Variants in SLC9A9 observed in about 807,000 individuals in gnomAD.
SLC9A9 encodes solute carrier family 9 member A9.
A neutral mutation model predicts 77.8 loss-of-function variants in SLC9A9; 62 were observed. That is an observed-to-expected ratio of 0.80 (90% CI 0.65 to 0.98). The LOEUF (loss-of-function observed/expected upper bound fraction) is 0.98. Ranked by LOEUF, SLC9A9 falls within the 50% of genes least tolerant of loss-of-function variation. The probability of loss-of-function intolerance (pLI) is 0.00; values close to 1 mark genes in which losing one functional copy is unlikely to be tolerated. For missense variants in SLC9A9, 775 were observed against 774.9 expected, an observed-to-expected ratio of 1.00 and a Z score of 0.00; for synonymous variants, 320 against 283.5, an observed-to-expected ratio of 1.13 and a Z score of -1.29.
chr3:143,476,782 T>C (rs1424224591), intron 11 of SLC9A9, among the ~76,000 whole-genome samples: 1 of 152,192 alleles, frequency 6.6e-6, no homozygotes, highest in Non-Finnish European at 1.5e-5. Flanking sequence ...TGTCTGGAGA[T>C]AGTTCTCATT....
intron 4 of SLC9A9, among the ~76,000 whole-genome samples, chr3:143,750,297 G>T (rs1421648123): frequency 6.6e-6 from 1 of 152,192 alleles, no homozygotes; most frequent in East Asian, 1.9e-4. Context: ...ATGACAATGT[G>T]CTTGAATTTT....
At chr3:143,822,475 A>G (rs886461802) in intron 2 of SLC9A9, among the ~76,000 whole-genome samples, 1 of 152,198 alleles carries the variant, frequency 6.6e-6, no homozygotes, top group Non-Finnish European at 1.5e-5. Flanking sequence ...GGGAGACTCC[A>G]TAACTCCAGG....
intron 14 of SLC9A9, among the ~76,000 whole-genome samples, chr3:143,270,044 C>T (rs17720218): frequency 1.3e-5 from 2 of 152,226 alleles, no homozygotes; most frequent in East Asian, 1.9e-4. Context: ...TATTTGTCAC[C>T]AAAGCAGGCC....
chr3:143,769,427 A>G (rs1052035812), intron 4 of SLC9A9, among the ~76,000 whole-genome samples: 4 of 152,180 alleles, frequency 2.6e-5, no homozygotes, highest in African/African-American at 9.6e-5. Flanking sequence ...ATTCAATCGC[A>G]TAACCAGTCC....
intron 6 of SLC9A9, among the ~76,000 whole-genome samples, chr3:143,615,224 A>G (rs1391566189): frequency 6.6e-6 from 1 of 152,234 alleles, no homozygotes; most frequent in African/African-American, 2.4e-5. Flanking sequence ...CACCACGCCT[A>G]TGGTTAAGAA....
At chr3:143,767,420 A>G (rs1192626313) in intron 4 of SLC9A9, among the ~76,000 whole-genome samples, 1 of 141,542 alleles carries the variant, frequency 7.1e-6, no homozygotes, top group Non-Finnish European at 1.5e-5. Flanking sequence ...GTGTTTACAG[A>G]AAATTAACTT....
chr3:143,289,686 C>G (rs1938484390), intron 14 of SLC9A9, among the ~76,000 whole-genome samples: 2 of 152,210 alleles, frequency 1.3e-5, no homozygotes, highest in Non-Finnish European at 2.9e-5. Context: ...GTCCATCCAT[C>G]TATTCATCCA....
chr3:143,757,799 C>T (rs2006973817), intron 4 of SLC9A9, among the ~76,000 whole-genome samples: 1 of 152,022 alleles, frequency 6.6e-6, no homozygotes, highest in Non-Finnish European at 1.5e-5. Flanking sequence ...TATTACCTGA[C>T]TCTTTCCTTT....
chr3:143,796,964 T>C, intron 2 of SLC9A9, 61 bp from the exon 3 acceptor site: 2 of 1,371,302 alleles, frequency 1.5e-6, no homozygotes. Context: ...TAAAAAAACA[T>C]GTTTCAAAAA....
At chr3:143,502,481 A>T (rs1032230590) in intron 9 of SLC9A9, among the ~76,000 whole-genome samples, 1 of 151,428 alleles carries the variant, frequency 6.6e-6, no homozygotes, top group Non-Finnish European at 1.5e-5. Context: ...GTAAAAAAAA[A>T]GTCATATCTA....
chr3:143,660,984 C>T (rs889767948), intron 5 of SLC9A9, among the ~76,000 whole-genome samples: 2 of 152,160 alleles, frequency 1.3e-5, no homozygotes, highest in Non-Finnish European at 2.9e-5. Context: ...TGTCACACAC[C>T]ACAGATCACT....
At chr3:143,757,825 A>G (rs575129662) in intron 4 of SLC9A9, among the ~76,000 whole-genome samples, 1 of 152,220 alleles carries the variant, frequency 6.6e-6, no homozygotes, top group African/African-American at 2.4e-5. Flanking sequence ...ACACTGGATT[A>G]GAAAGGGGGG....
intron 6 of SLC9A9, among the ~76,000 whole-genome samples, chr3:143,586,330 C>T (rs1368733145): frequency 1.3e-5 from 2 of 152,152 alleles, no homozygotes; most frequent in Non-Finnish European, 2.9e-5. Context: ...TCCACAAGAT[C>T]ATCATGTGAC....
intron 14 of SLC9A9, among the ~76,000 whole-genome samples, chr3:143,299,817 C>T (rs550779566): frequency 6.6e-6 from 1 of 152,268 alleles, no homozygotes; most frequent in East Asian, 1.9e-4. Flanking sequence ...GGAACCACTG[C>T]TTAGTGGGAG....
chr3:143,714,027 C>A (rs1467955355), intron 4 of SLC9A9, among the ~76,000 whole-genome samples: 1 of 152,184 alleles, frequency 6.6e-6, no homozygotes, highest in African/African-American at 2.4e-5. Flanking sequence ...TTCACAAATT[C>A]TCAGTTTGCG....
chr3:143,328,198 G>A lies in SLC9A9; in HGVS notation c.1604+35286C>T, dbSNP rs145236631. On this transcript the variant is annotated intron_variant, in intron 14 of 15. Coordinates refer to ENST00000316549, the MANE Select transcript of SLC9A9 (RefSeq NM_173653.4). Reference sequence around the variant, plus strand: ...AACCTCAATGTAAACTATGGACTTCGGCTAATAATGTGTCAATATTGATGT... The same window carrying A: ...AACCTCAATGTAAACTATGGACTTCAGCTAATAATGTGTCAATATTGATGT... 3.2e-3 allele frequency among the ~76,000 whole-genome samples: 483 copies of A among 152,220 alleles called. 2 individuals carry two copies. The highest frequency in any genetic ancestry group is 0.011 in the African/African-American group (459 of 41,512).
chr3:143,828,542 G>T (rs1359379159), intron 2 of SLC9A9, among the ~76,000 whole-genome samples: 3 of 151,654 alleles, frequency 2.0e-5, no homozygotes, highest in African/African-American at 4.8e-5. Flanking sequence ...AAGAGAGAAA[G>T]AAACAAGCAC....
chr3:143,338,823 G>A (rs1000602057), intron 14 of SLC9A9, among the ~76,000 whole-genome samples: 7 of 152,090 alleles, frequency 4.6e-5, no homozygotes, highest in African/African-American at 1.2e-4. Context: ...ACAGAGATAC[G>A]AAAAGGTTAC....
At chr3:143,290,237 G>A (rs2029891179) in intron 14 of SLC9A9, among the ~76,000 whole-genome samples, 1 of 152,172 alleles carries the variant, frequency 6.6e-6, no homozygotes, top group African/African-American at 2.4e-5. Flanking sequence ...AAAATGGGAT[G>A]GTCCAAGGCA....
Sources: allele counts gnomAD v4.1 joint callset (sites outside exome capture counted in the v4.1 genomes callset), GRCh38; gene constraint gnomAD v4.1.1; transcripts MANE v1.5; gene names NCBI Gene and HGNC (gene_info 2026-07-23, HGNC 2026-07-21).